Variants in UNC5C observed in about 807,000 individuals in gnomAD.
UNC5C encodes the protein unc-5 netrin receptor C.
In UNC5C, 47 loss-of-function variants were observed where a neutral mutation model predicts 99.8. The observed-to-expected ratio is 0.47, with a 90% CI of 0.37 to 0.60. The LOEUF is 0.60. Ranked by LOEUF, UNC5C falls within the 20% of genes least tolerant of loss-of-function variation. The pLI is 0.00. For synonymous variants in UNC5C, 487 were observed against 452.2 expected, an observed-to-expected ratio of 1.08 and a Z score of -0.98; for missense variants, 1,062 against 1,165.9, an observed-to-expected ratio of 0.91 and a Z score of 1.30.
chr4:95,300,076 G>C (rs576965108), intron 3 of UNC5C, among the ~76,000 whole-genome samples: 1 of 152,248 alleles, frequency 6.6e-6, no homozygotes, highest in East Asian at 1.9e-4. Flanking sequence ...AAGTGATATT[G>C]GCATCCAACA....
intron 12 of UNC5C, among the ~76,000 whole-genome samples, chr4:95,185,428 A>G (rs548097921): frequency 6.6e-6 from 1 of 152,232 alleles, no homozygotes; most frequent in South Asian, 2.1e-4. Context: ...AGTCTACATC[A>G]CACTGTTGAG....
intron 1 of UNC5C, among the ~76,000 whole-genome samples, chr4:95,374,864 T>C (rs1744847418): frequency 6.6e-6 from 1 of 152,126 alleles, no homozygotes; most frequent in South Asian, 2.1e-4. Context: ...ATACAAAGTT[T>C]AGAAAAATTT....
At chr4:95,538,434 T>C (rs1722832128) in intron 1 of UNC5C, among the ~76,000 whole-genome samples, 1 of 152,240 alleles carries the variant, frequency 6.6e-6, no homozygotes, top group African/African-American at 2.4e-5. Flanking sequence ...TCAAGGACTC[T>C]GGAGTCCGCT....
chr4:95,439,290 G>A (rs2149462948), intron 1 of UNC5C, among the ~76,000 whole-genome samples: 1 of 152,026 alleles, frequency 6.6e-6, no homozygotes, highest in Middle Eastern at 3.4e-3. Context: ...TGGCGTGGAT[G>A]ATGTAAAGAA....
intron 1 of UNC5C, among the ~76,000 whole-genome samples, chr4:95,523,482 G>A (rs1578208384): frequency 6.6e-6 from 1 of 152,148 alleles, no homozygotes; most frequent in South Asian, 2.1e-4. Context: ...TAGATGAAAA[G>A]TTATGACTGT....
chr4:95,297,156 C>T (rs1361957952), intron 3 of UNC5C, among the ~76,000 whole-genome samples: 1 of 152,164 alleles, frequency 6.6e-6, no homozygotes, highest in East Asian at 1.9e-4. Context: ...CTTCAGATTC[C>T]TATGGAGTCA....
At chr4:95,171,212 C>A (rs1331110594) in intron 14 of UNC5C, among the ~76,000 whole-genome samples, 4 of 151,140 alleles carry the variant, frequency 2.6e-5, no homozygotes, top group African/African-American at 9.8e-5. Context: ...CCATCTCTCT[C>A]TATTTTTTTT....
chr4:95,392,430 ATTTT>A (rs10608601), intron 1 of UNC5C, among the ~76,000 whole-genome samples: 2,667 of 109,040 alleles, frequency 0.024, 68 homozygotes, highest in African/African-American at 0.066. Flanking sequence ...GTATCAAAAC[ATTTT>A]TTTTTTTTTT....
At chr4:95,369,371 T>C (rs571699357) in intron 1 of UNC5C, among the ~76,000 whole-genome samples, 8 of 151,636 alleles carry the variant, frequency 5.3e-5, no homozygotes, top group African/African-American at 1.9e-4. Context: ...GGAAACATAA[T>C]GAAACCCCAA....
intron 2 of UNC5C, among the ~76,000 whole-genome samples, chr4:95,302,987 G>A (rs562262120): frequency 6.6e-6 from 1 of 152,122 alleles, no homozygotes; most frequent in Admixed American, 6.5e-5. Flanking sequence ...TAGTGTGAAG[G>A]ATCCAGTATG....
At chr4:95,349,872 T>C (rs954640369) in intron 1 of UNC5C, among the ~76,000 whole-genome samples, 6 of 152,188 alleles carry the variant, frequency 3.9e-5, no homozygotes, top group African/African-American at 1.4e-4. Flanking sequence ...CATAGTTTAG[T>C]AGCTTTCTCA....
intron 1 of UNC5C, among the ~76,000 whole-genome samples, chr4:95,448,588 G>A (rs1462729036): frequency 6.6e-6 from 1 of 152,174 alleles, no homozygotes; most frequent in Non-Finnish European, 1.5e-5. Context: ...AACTCAGGGT[G>A]GAGTTGAGAG....
At chr4:95,511,091 A>G (rs549000994) in intron 1 of UNC5C, among the ~76,000 whole-genome samples, 49 of 152,260 alleles carry the variant, frequency 3.2e-4, no homozygotes, top group African/African-American at 1.1e-3. Flanking sequence ...GTGATAGAGA[A>G]GTTAATGATT....
chr4:95,363,507 T>C (rs1560805103), intron 1 of UNC5C, among the ~76,000 whole-genome samples: 1 of 152,154 alleles, frequency 6.6e-6, no homozygotes, highest in South Asian at 2.1e-4. Flanking sequence ...AATCAAACTA[T>C]AAGTAAATTA....
intron 1 of UNC5C, among the ~76,000 whole-genome samples, chr4:95,521,765 T>G (rs1361992849): frequency 6.6e-6 from 1 of 152,228 alleles, no homozygotes; most frequent in African/African-American, 2.4e-5. Flanking sequence ...ATGTGGACTC[T>G]AAAAAGAAAT....
intron 7 of UNC5C, among the ~76,000 whole-genome samples, chr4:95,234,727 T>C (rs1739047113): frequency 6.6e-6 from 1 of 152,142 alleles, no homozygotes; most frequent in African/African-American, 2.4e-5. Context: ...GCATTGATTA[T>C]CTCCAGCGTA....
chr4:95,380,823 CAGCTAAT>C (rs1745048291), intron 1 of UNC5C, among the ~76,000 whole-genome samples: 1 of 152,154 alleles, frequency 6.6e-6, no homozygotes, highest in African/African-American at 2.4e-5. Context: ...GTTTTGCATG[CAGCTAAT>C]AGCATTGAGC....
chr4:95,478,594 T>G (rs544776870), intron 1 of UNC5C, among the ~76,000 whole-genome samples: 1 of 152,022 alleles, frequency 6.6e-6, no homozygotes, highest in Non-Finnish European at 1.5e-5. Context: ...CTGATGTGTA[T>G]GTATCCCCAC....
At chr4:95,476,529 T>C (rs1002573092) in intron 1 of UNC5C, among the ~76,000 whole-genome samples, 2 of 152,094 alleles carry the variant, frequency 1.3e-5, no homozygotes, top group Non-Finnish European at 2.9e-5. Flanking sequence ...TTAGTTTTTT[T>C]CGGAGAAGAC....
Sources: allele counts gnomAD v4.1 joint callset (sites outside exome capture counted in the v4.1 genomes callset), GRCh38; gene constraint gnomAD v4.1.1; transcripts MANE v1.5; gene names NCBI Gene and HGNC (gene_info 2026-07-23, HGNC 2026-07-21).